SCN7A: variants seen among roughly 807,000 people sequenced by gnomAD.
SCN7A encodes sodium channel protein type 7 subunit alpha.
A neutral mutation model predicts 155.2 loss-of-function variants in SCN7A; 138 were observed. That is an observed-to-expected ratio of 0.89 (90% CI 0.77 to 1.02). The LOEUF is 1.02. Among genes scored for constraint, SCN7A ranks in the 50% least tolerant of loss-of-function variants. The probability of loss-of-function intolerance (pLI) is 0.00; values close to 1 mark genes in which losing one functional copy is unlikely to be tolerated. For synonymous variants in SCN7A, 693 were observed against 649.0 expected, an observed-to-expected ratio of 1.07 and a Z score of -1.03; for missense variants, 2,058 against 1,986.6, an observed-to-expected ratio of 1.04 and a Z score of -0.68.
chr2:166,403,674 G>GT lies in SCN7A; in HGVS notation c.*1905dup, dbSNP rs1266940251. On this transcript the variant is annotated 3_prime_UTR_variant, in exon 26 of 26. Coordinates refer to ENST00000643258, the MANE Select transcript of SCN7A (RefSeq NM_002976.4). Reference sequence around the variant, plus strand: ...TAACTCTTTACACAGCTTTCGGAAGGTAACTGGCAAACAAGGTTTACAAGT... The same window carrying GT: ...TAACTCTTTACACAGCTTTCGGAAGGTTAACTGGCAAACAAGGTTTACAAGT... 2 of 151,954 alleles carry GT rather than the reference G, an allele frequency of 1.3e-5. No homozygotes were observed. The highest frequency in any genetic ancestry group is 2.9e-5 in the Non-Finnish European group (2 of 67,946). 9.4% of individuals were successfully genotyped at this position (151,954 alleles called of 1,614,324 possible). A position where few individuals can be genotyped will look rare whatever the true frequency, so the allele number is the denominator to read the frequency against.
At chr2:166,448,624 T>C (rs1448063738) in intron 11 of SCN7A, among the ~76,000 whole-genome samples, 3 of 152,306 alleles carry the variant, frequency 2.0e-5, no homozygotes, top group East Asian at 1.9e-4. Context: ...TTTAGGCAGT[T>C]ATTAAACTGA....
intron 13 of SCN7A, among the ~76,000 whole-genome samples, chr2:166,443,967 A>C (rs528033105): frequency 6.6e-6 from 1 of 152,330 alleles, no homozygotes; most frequent in East Asian, 1.9e-4. Context: ...AATTTTGAAT[A>C]GTTATTTTTG....
chr2:166,489,933 A>C (rs1036148449), intron 1 of SCN7A, among the ~76,000 whole-genome samples: 2 of 152,088 alleles, frequency 1.3e-5, no homozygotes, highest in African/African-American at 4.8e-5. Flanking sequence ...ATTTTAAAAA[A>C]TATTTTGTCT....
At chr2:166,418,277 C>T (rs1158624615) in intron 20 of SCN7A, among the ~76,000 whole-genome samples, 2 of 140,804 alleles carry the variant, frequency 1.4e-5, no homozygotes, top group Admixed American at 6.9e-5. Context: ...CACGCCACCC[C>T]GCCAGGCTTT....
Position 166,416,805 on chromosome 2 carries a change from G to A in SCN7A, c.3316C>T (p.Arg1106Trp), listed in dbSNP as rs774846956. ...FPSSEVMNKS[R>W]CESLLFNESM... The stretch of plus-strand genomic sequence containing the variant: ...TCGTTAAACAGAAGGCTTTCACACC[G>A]ACTCTTATTCATGACTTCAGATGAA... Residue 1106 changes from arginine to tryptophan, a missense_variant, in exon 21 of 26, where the codon CGG (arginine) becomes TGG (tryptophan). By Grantham distance (101) the Arg-to-Trp change is moderately radical. Coordinates refer to ENST00000643258, the MANE Select transcript of SCN7A (RefSeq NM_002976.4). 1.6e-5 allele frequency: 26 copies of A among 1,613,320 alleles called. No individual in the cohort carries two copies. Among genetic ancestry groups the A allele is most frequent in the Admixed American group, 8.3e-5 (5 of 59,934 alleles).
At chr2:166,444,656 C>T (rs1167716304) in intron 13 of SCN7A, 106 bp downstream of exon 13, 1 of 666,408 alleles carries the variant, frequency 1.5e-6, no homozygotes, top group Non-Finnish European at 2.6e-6. Context: ...CATATTGCAA[C>T]ATATTGGAGT....
rs1434065810 is a variant in SCN7A, at chr2:166,414,289, C to CACACATATATATATATATATAT, written c.3415-1190_3415-1169dup. The stretch of plus-strand genomic sequence containing the variant: ...ACACACACATATATATATATATACA[C>CACACATATATATATATATATAT]ACACATATATATATATATATATACA... On this transcript the variant is annotated intron_variant, in intron 21 of 25. Coordinates refer to ENST00000643258, the MANE Select transcript of SCN7A (RefSeq NM_002976.4). Among the ~76,000 whole-genome samples, 6 of 31,098 alleles carry CACACATATATATATATATATAT rather than the reference C, an allele frequency of 1.9e-4. 1 individual carries two copies. Among genetic ancestry groups the CACACATATATATATATATATAT allele is most frequent in the Non-Finnish European group, 2.6e-4 (4 of 15,538 alleles). 20.4% of individuals were successfully genotyped at this position (31,098 alleles called of 152,430 possible).
At chr2:166,466,058 A>G (rs1265702979) in intron 7 of SCN7A, 71 bp from the exon 8 acceptor site, 1 of 995,746 alleles carries the variant, frequency 1.0e-6, no homozygotes, top group African/African-American at 1.6e-5. Context: ...AACCTCTCCC[A>G]CAGCAACTGC....
chr2:166,493,118 C>G (rs1332813501), intron 1 of SCN7A, among the ~76,000 whole-genome samples: 7 of 152,114 alleles, frequency 4.6e-5, no homozygotes, highest in Non-Finnish European at 1.0e-4. Context: ...ATTACAGGGC[C>G]CACTTTCCTT....
intron 7 of SCN7A, among the ~76,000 whole-genome samples, chr2:166,469,364 A>T (rs185029560): frequency 2.6e-5 from 4 of 151,766 alleles, no homozygotes; most frequent in Non-Finnish European, 5.9e-5. Flanking sequence ...ATATTTGCCT[A>T]TATTACTCTC....
intron 2 of SCN7A, among the ~76,000 whole-genome samples, chr2:166,480,330 C>A (rs995493296): frequency 1.3e-5 from 2 of 151,828 alleles, no homozygotes; most frequent in South Asian, 2.1e-4. Context: ...TGGTGGCGGG[C>A]GCCTGTAGTC....
In SCN7A at chr2:166,471,011, G is replaced by A. The variant is rs560448764; in HGVS notation, c.573-305C>T. ...AAATCTTTTATCTAATTACTGAAAA[G>A]ATAGTTACAATGAAAAATGAATATC... On this transcript the variant is annotated intron_variant, in intron 6 of 25. Transcript: ENST00000643258. Among the ~76,000 whole-genome samples, 6 of 151,894 alleles carry A rather than the reference G, an allele frequency of 4.0e-5. No individual in the cohort carries two copies. The South Asian group carries it at 1.2e-3, about 32-fold the overall frequency.
chr2:166,455,686 G>GA (rs1287388570), intron 11 of SCN7A, among the ~76,000 whole-genome samples: 2 of 152,074 alleles, frequency 1.3e-5, no homozygotes, highest in East Asian at 3.9e-4. Flanking sequence ...TGTAGCCCCT[G>GA]AATCTAAAAG....
rs1308956311 is a variant in SCN7A, at chr2:166,473,800, C to T, written c.442G>A (p.Glu148Lys). Residue 148 changes from glutamate to lysine, a missense_variant and splice_region_variant, in exon 5 of 26, where the codon GAG (glutamate) becomes AAG (lysine). Transcript: ENST00000643258. ...GTATAAAATAATTATATAACATACT[C>T]TAATACTGGTCTCCATTTTGGCAAA... Reference protein sequence around the residue: ...TNLPKWRPVLENTLLGIYTFE... With the variant: ...TNLPKWRPVLKNTLLGIYTFE... 2 of 1,338,538 alleles carry T rather than the reference C, an allele frequency of 1.5e-6. No homozygotes were observed. The highest frequency in any genetic ancestry group is 1.5e-5 in the African/African-American group (1 of 68,586). 82.9% of individuals were successfully genotyped at this position (1,338,538 alleles called of 1,614,324 possible). A position where few individuals can be genotyped will look rare whatever the true frequency, so the allele number is the denominator to read the frequency against.
chr2:166,493,135 T>G (rs1234656702), intron 1 of SCN7A, among the ~76,000 whole-genome samples: 1 of 152,206 alleles, frequency 6.6e-6, no homozygotes, highest in East Asian at 1.9e-4. Flanking sequence ...CCTTCTACTT[T>G]GCCATAAATT....
At position 166,441,762 on chromosome 2, in the gene SCN7A, C is replaced by T. The variant is rs1262722635; in HGVS notation, c.1801-10G>A. On this transcript the variant is annotated splice_polypyrimidine_tract_variant and intron_variant, in intron 14 of 25. Transcript: ENST00000643258. ...ACTTGAAAATTCTTAACTAATAGAG[C>T]AATGTAAAATCAAGAACAAGAAACA... is the stretch of plus-strand genomic sequence containing the variant. The T allele has an allele frequency of 1.9e-6, 3 of 1,575,406 alleles. No individual in the cohort carries two copies. The highest frequency in any genetic ancestry group is 1.8e-5 in the Admixed American group (1 of 54,204).
Position 166,483,893 on chromosome 2 carries a change from C to T in SCN7A, c.-15+2963G>A, listed in dbSNP as rs527788832. The stretch of plus-strand genomic sequence containing the variant: ...TGTTCACAGTAGTGTAATTTTTATA[C>T]CTAAGAGAAGAAGTCAACATATATC... On this transcript the variant is annotated intron_variant, in intron 2 of 25. Coordinates refer to ENST00000643258, the MANE Select transcript of SCN7A (RefSeq NM_002976.4). Among the ~76,000 whole-genome samples the T allele has an allele frequency of 4.7e-4, 72 of 151,828 alleles. 1 individual carries two copies. In the Middle Eastern group the frequency reaches 0.01, roughly 22 times the overall value.
chr2:166,427,273 A>G (rs1701644317), intron 18 of SCN7A, among the ~76,000 whole-genome samples: 1 of 152,118 alleles, frequency 6.6e-6, no homozygotes. Flanking sequence ...TTGTAGAACC[A>G]TTTAATGTGC....
intron 17 of SCN7A, 70 bp from the exon 18 acceptor site, chr2:166,428,012 T>C: frequency 7.1e-7 from 1 of 1,406,022 alleles, no homozygotes; most frequent in Non-Finnish European, 9.9e-7. Context: ...TGAAACTTTC[T>C]ACTATGTGCC....
Sources: gnomAD v4.1 joint callset for allele counts (sites outside exome capture counted in the v4.1 genomes callset) on GRCh38, gnomAD v4.1.1 for gene constraint, MANE v1.5 for transcripts, NCBI Gene and HGNC (gene_info 2026-07-23, HGNC 2026-07-21) for gene names.